Variants in XYLT1 observed in about 807,000 individuals in gnomAD.
XYLT1 encodes beta-D-xylosyltransferase 1.
XYLT1 carries 36 observed loss-of-function variants against 91.3 expected under a neutral mutation model. That is an observed-to-expected ratio of 0.39 (90% CI 0.30 to 0.52). The LOEUF (loss-of-function observed/expected upper bound fraction) is 0.52, where lower values mean the gene tolerates loss of function less well. Among genes scored for constraint, XYLT1 ranks in the 20% least tolerant of loss-of-function variants. XYLT1 has a pLI of 0.68. For synonymous variants in XYLT1, 588 were observed against 532.0 expected, an observed-to-expected ratio of 1.11 and a Z score of -1.45; for missense variants, 1,242 against 1,284.5, an observed-to-expected ratio of 0.97 and a Z score of 0.51.
chr16:17,168,627 C>A (rs980343262), intron 5 of XYLT1, among the ~76,000 whole-genome samples: 1 of 151,884 alleles, frequency 6.6e-6, no homozygotes, highest in Non-Finnish European at 1.5e-5. Context: ...AAAAAGTAGT[C>A]CAAATTTACA....
intron 6 of XYLT1, 81 bp downstream of exon 6, chr16:17,158,748 G>A (rs1209542345): frequency 6.7e-7 from 1 of 1,495,896 alleles, no homozygotes; most frequent in Non-Finnish European, 9.3e-7. Flanking sequence ...GTGGCTGCAT[G>A]AAACCAGCCT....
intron 1 of XYLT1, among the ~76,000 whole-genome samples, chr16:17,460,664 A>T (rs2036807712): frequency 6.6e-6 from 1 of 152,220 alleles, no homozygotes; most frequent in South Asian, 2.1e-4. Flanking sequence ...GTGGGTCTGC[A>T]GTATCACCAT....
intron 2 of XYLT1, among the ~76,000 whole-genome samples, chr16:17,263,089 G>A (rs891639147): frequency 2.6e-5 from 4 of 152,090 alleles, no homozygotes; most frequent in Non-Finnish European, 4.4e-5. Flanking sequence ...GGACATCTTC[G>A]TTTTCTCTCT....
intron 7 of XYLT1, among the ~76,000 whole-genome samples, chr16:17,140,876 A>C (rs1474086170): frequency 6.6e-6 from 1 of 152,174 alleles, no homozygotes; most frequent in African/African-American, 2.4e-5. Context: ...TTTTATGACC[A>C]ATGAAAGCCA....
At chr16:17,189,053 T>C (rs1044332189) in intron 5 of XYLT1, among the ~76,000 whole-genome samples, 9 of 152,124 alleles carry the variant, frequency 5.9e-5, no homozygotes, top group African/African-American at 2.2e-4. Context: ...TTTGGGTGAA[T>C]GGGTAAAGTC....
chr16:17,239,713 CCCA>C (rs1476312213), intron 3 of XYLT1, among the ~76,000 whole-genome samples: 24 of 151,682 alleles, frequency 1.6e-4, no homozygotes, highest in African/African-American at 1.9e-4. Flanking sequence ...CATCCATCCA[CCCA>C]CCGAGTCTGT....
At chr16:17,443,898 T>G (rs147598781) in intron 1 of XYLT1, among the ~76,000 whole-genome samples, 166 of 152,276 alleles carry the variant, frequency 1.1e-3, no homozygotes, top group Non-Finnish European at 1.9e-3. Flanking sequence ...TACTTTTCCA[T>G]GACACTCTCA....
intron 2 of XYLT1, among the ~76,000 whole-genome samples, chr16:17,353,265 A>G (rs1420725467): frequency 6.6e-6 from 1 of 152,188 alleles, no homozygotes; most frequent in Non-Finnish European, 1.5e-5. Context: ...ACTCGGCAAA[A>G]GAGCTCCTTT....
At chr16:17,278,492 G>A (rs764229537) in intron 2 of XYLT1, among the ~76,000 whole-genome samples, 4 of 152,122 alleles carry the variant, frequency 2.6e-5, no homozygotes, top group Non-Finnish European at 4.4e-5. Context: ...TTGACAAGGC[G>A]AGACTGGGAT....
chr16:17,340,551 A>G (rs1415236775), intron 2 of XYLT1, among the ~76,000 whole-genome samples: 1 of 152,248 alleles, frequency 6.6e-6, no homozygotes, highest in African/African-American at 2.4e-5. Flanking sequence ...CAAACTGCAC[A>G]GAATGGTAGT....
At chr16:17,430,808 T>C (rs1394829703) in intron 1 of XYLT1, among the ~76,000 whole-genome samples, 1 of 152,204 alleles carries the variant, frequency 6.6e-6, no homozygotes, top group Non-Finnish European at 1.5e-5. Flanking sequence ...CCTTTTAGTT[T>C]GTAGACCAGA....
In XYLT1 at chr16:17,104,907, T is replaced by C. The variant is rs1443726789; in HGVS notation, c.*3788A>G. On this transcript the variant is annotated 3_prime_UTR_variant, in exon 12 of 12. Transcript: ENST00000261381. The stretch of plus-strand genomic sequence containing the variant: ...CCATTTCACGCATCTATGCTAGTAT[T>C]CTGGGCCCCATAAACATTTGTAACC... 6.6e-6 allele frequency: 1 copy of C among 152,298 alleles called. No homozygotes were observed. Among genetic ancestry groups the C allele is most frequent in the Non-Finnish European group, 1.5e-5 (1 of 68,100 alleles). 9.4% of individuals were successfully genotyped at this position (152,298 alleles called of 1,614,324 possible). A position where few individuals can be genotyped will look rare whatever the true frequency, so the allele number is the denominator to read the frequency against.
At chr16:17,113,366 CT>C (rs1373467346) in intron 11 of XYLT1, among the ~76,000 whole-genome samples, 1 of 152,046 alleles carries the variant, frequency 6.6e-6, no homozygotes, top group African/African-American at 2.4e-5. Context: ...TGGTCTTGAA[CT>C]CCTGACCTTG....
chr16:17,166,292 G>A (rs12931552), intron 5 of XYLT1, among the ~76,000 whole-genome samples: 26,221 of 152,226 alleles, frequency 0.17, 2,695 homozygotes, highest in South Asian at 0.38. Flanking sequence ...GCAGCACCTC[G>A]GACAGTGCTT....
chr16:17,381,236 T>C (rs531717266), intron 1 of XYLT1, among the ~76,000 whole-genome samples: 2 of 152,134 alleles, frequency 1.3e-5, no homozygotes, highest in Admixed American at 6.5e-5. Context: ...GTGATGTTCA[T>C]TATATCCAAT....
intron 8 of XYLT1, chr16:17,138,110 A>G: frequency 4.4e-6 from 2 of 449,864 alleles, no homozygotes; most frequent in Admixed American, 3.5e-5. Flanking sequence ...ATATCCCTAA[A>G]ATGGAATAAT....
intron 2 of XYLT1, among the ~76,000 whole-genome samples, chr16:17,287,245 C>A (rs1027083886): frequency 6.6e-6 from 1 of 152,032 alleles, no homozygotes; most frequent in Non-Finnish European, 1.5e-5. Flanking sequence ...AGACACCACT[C>A]CCCCTCTTTT....
chr16:17,264,349 T>C (rs2033769994), intron 2 of XYLT1, among the ~76,000 whole-genome samples: 1 of 152,264 alleles, frequency 6.6e-6, no homozygotes, highest in Non-Finnish European at 1.5e-5. Context: ...CTGTGACTGG[T>C]TTCTTTCAGT....
intron 1 of XYLT1, among the ~76,000 whole-genome samples, chr16:17,415,498 T>A (rs898721769): frequency 6.6e-6 from 1 of 152,104 alleles, no homozygotes; most frequent in African/African-American, 2.4e-5. Context: ...AAGACCACCC[T>A]GGGCAACATG....
Sources: allele counts gnomAD v4.1 joint callset (sites outside exome capture counted in the v4.1 genomes callset), GRCh38; gene constraint gnomAD v4.1.1; transcripts MANE v1.5; gene names NCBI Gene and HGNC (gene_info 2026-07-23, HGNC 2026-07-21).